Variants in SAMD4A observed in about 807,000 individuals in gnomAD.
The protein encoded by SAMD4A is protein Smaug homolog 1.
SAMD4A carries 33 observed loss-of-function variants against 81.3 expected under a neutral mutation model. That is an observed-to-expected ratio of 0.41 (90% CI 0.31 to 0.54). The LOEUF (loss-of-function observed/expected upper bound fraction) is 0.54. Among genes scored for constraint, SAMD4A ranks in the 20% least tolerant of loss-of-function variants. SAMD4A has a pLI of 0.37. For synonymous variants in SAMD4A, 389 were observed against 382.1 expected (o/e 1.02, Z -0.21); for missense variants, 854 against 951.1 (o/e 0.90, Z 1.34).
chr14:54,690,460 G>C (rs966382887), intron 2 of SAMD4A, among the ~76,000 whole-genome samples: 1 of 151,882 alleles, frequency 6.6e-6, no homozygotes, highest in East Asian at 1.9e-4. Context: ...AATGTGTTGA[G>C]TCCTGGCTGG....
At chr14:54,679,646 T>C (rs1055940633) in intron 2 of SAMD4A, among the ~76,000 whole-genome samples, 1 of 152,206 alleles carries the variant, frequency 6.6e-6, no homozygotes, top group Non-Finnish European at 1.5e-5. Flanking sequence ...GTTTTCCATG[T>C]CATCCTTTGG....
At chr14:54,706,667 G>C (rs2036867507) in intron 3 of SAMD4A, among the ~76,000 whole-genome samples, 2 of 151,990 alleles carry the variant, frequency 1.3e-5, no homozygotes, top group African/African-American at 4.8e-5. Context: ...TTTTGCAGGG[G>C]AAATGGAAAG....
chr14:54,685,860 G>T (rs2036255228), intron 2 of SAMD4A: 1 of 456,700 alleles, frequency 2.2e-6, no homozygotes, highest in Non-Finnish European at 4.4e-6. Context: ...AGTGGTGTCA[G>T]ATCAGCTTCA....
At chr14:54,590,406 G>A (rs914295077) in intron 2 of SAMD4A, among the ~76,000 whole-genome samples, 6 of 152,160 alleles carry the variant, frequency 3.9e-5, no homozygotes, top group Non-Finnish European at 8.8e-5. Context: ...TGGGAGGATC[G>A]CCTGAGCCCA....
intron 3 of SAMD4A, among the ~76,000 whole-genome samples, chr14:54,714,768 T>C (rs2037078306): frequency 6.6e-6 from 1 of 152,254 alleles, no homozygotes; most frequent in Non-Finnish European, 1.5e-5. Flanking sequence ...AGGGTGCTTC[T>C]TCCACAAGCC....
intron 2 of SAMD4A, among the ~76,000 whole-genome samples, chr14:54,664,276 T>C (rs1388654731): frequency 1.3e-5 from 2 of 152,190 alleles, no homozygotes; most frequent in South Asian, 2.1e-4. Context: ...AGTGGACCCA[T>C]CTTCAAAGAT....
rs5741994 is a variant in SAMD4A at position 54,739,055 on chromosome 14, C to CTTTTCTTTTTT, written c.979+1772_979+1773insCTTTTTTTTTT. Among the ~76,000 whole-genome samples the CTTTTCTTTTTT allele has an allele frequency of 8.9e-3, 863 of 97,346 alleles. 11 individuals are homozygous for CTTTTCTTTTTT. The highest frequency in any genetic ancestry group is 0.041 in the Middle Eastern group (6 of 146). The allele number at this position is 97,346 out of a possible 152,430, so 63.9% of individuals were successfully genotyped here. A position where few individuals can be genotyped will look rare whatever the true frequency, so the allele number is the denominator to read the frequency against. ...TACTTTGTTTTCTTTCTTTCCTTTT[C>CTTTTCTTTTTT]TTTTTTTTTTTTTTTTTTTGAGGCC... On this transcript the variant is annotated intron_variant, in intron 4 of 12. Coordinates refer to ENST00000554335, the MANE Select transcript of SAMD4A (RefSeq NM_015589.6).
intron 2 of SAMD4A, among the ~76,000 whole-genome samples, chr14:54,593,704 C>A (rs2033841849): frequency 6.6e-6 from 1 of 152,090 alleles, no homozygotes; most frequent in Non-Finnish European, 1.5e-5. Context: ...CACTTGAAAC[C>A]AATATGTATG....
In SAMD4A at chr14:54,779,087, ATCCTGGATTCAGAGCCGCTTCTGCTCT is replaced by A. The variant is rs1221152504; in HGVS notation, c.2044+2564_2044+2590del. On this transcript the variant is annotated intron_variant, in intron 11 of 12. Coordinates refer to ENST00000554335, the MANE Select transcript of SAMD4A (RefSeq NM_015589.6). Reference sequence around the variant, plus strand: ...CTAGAGTCATAGAGTCAGGGTCCTCATCCTGGATTCAGAGCCGCTTCTGCTCTTCCTGGATTCAGAGCCTCTTCTGCA... The same window carrying A: ...CTAGAGTCATAGAGTCAGGGTCCTCATCCTGGATTCAGAGCCTCTTCTGCA... Among the ~76,000 whole-genome samples the A allele has an allele frequency of 1.3e-3, 199 of 152,328 alleles. 1 individual carries two copies. Among genetic ancestry groups the A allele is most frequent in the African/African-American group, 4.4e-3 (181 of 41,570 alleles).
intron 2 of SAMD4A, among the ~76,000 whole-genome samples, chr14:54,576,909 C>T (rs1363665167): frequency 6.6e-6 from 1 of 152,136 alleles, no homozygotes; most frequent in Non-Finnish European, 1.5e-5. Flanking sequence ...TCACTAGTGT[C>T]GATGGAATGT....
chr14:54,757,774 A>T (rs1247474568), intron 6 of SAMD4A, among the ~76,000 whole-genome samples: 1 of 152,206 alleles, frequency 6.6e-6, no homozygotes, highest in East Asian at 1.9e-4. Flanking sequence ...CTGGACAAGG[A>T]GGTCAGTGTC....
At chr14:54,620,263 C>T (rs540909250) in intron 2 of SAMD4A, among the ~76,000 whole-genome samples, 3 of 152,190 alleles carry the variant, frequency 2.0e-5, no homozygotes, top group Non-Finnish European at 2.9e-5. Context: ...TGTCAGTAAC[C>T]CCCTCATAGG....
intron 3 of SAMD4A, among the ~76,000 whole-genome samples, chr14:54,726,173 C>T (rs2037411242): frequency 6.6e-6 from 1 of 152,128 alleles, no homozygotes; most frequent in Non-Finnish European, 1.5e-5. Context: ...GAGCTTTCTG[C>T]AGCTGATTCA....
intron 3 of SAMD4A, among the ~76,000 whole-genome samples, chr14:54,719,683 G>A (rs1413890073): frequency 6.6e-6 from 1 of 152,146 alleles, no homozygotes; most frequent in Admixed American, 6.5e-5. Flanking sequence ...AGACTGACCT[G>A]GGTTTGAGTC....
At chr14:54,625,150 A>T (rs1203626556) in intron 2 of SAMD4A, among the ~76,000 whole-genome samples, 1 of 152,114 alleles carries the variant, frequency 6.6e-6, no homozygotes, top group Non-Finnish European at 1.5e-5. Flanking sequence ...CACAGCCCAT[A>T]AAAGGTTTTC....
In SAMD4A at chr14:54,774,999, G is replaced by T; in HGVS notation, c.1781G>T (p.Arg594Leu). The change falls in exon 10 of 13, where the codon CGG becomes CTG. Residue 594 changes from arginine (R) to leucine (L), a missense_variant. Transcript: ENST00000554335. ...TCTGTGGGCGGTGGCATGGGCAGACGGAACCCGCGCCAGTACCAGATCCCC... is the reference window on the plus strand; with the variant it reads ...TCTGTGGGCGGTGGCATGGGCAGACTGAACCCGCGCCAGTACCAGATCCCC... ...AGSVGGGMGR[R>L]NPRQYQIPSR... 2 of 1,614,112 alleles carry T rather than the reference G, an allele frequency of 1.2e-6. No individual in the cohort carries two copies. Among genetic ancestry groups the T allele is most frequent in the Non-Finnish European group, 1.7e-6 (2 of 1,180,014 alleles).
At chr14:54,781,305 G>C (rs975049127) in intron 11 of SAMD4A, among the ~76,000 whole-genome samples, 2 of 152,246 alleles carry the variant, frequency 1.3e-5, no homozygotes, top group African/African-American at 2.4e-5. Context: ...AGCAGGGATG[G>C]ACGGTTACTG....
chr14:54,758,727 G>A (rs997328521), intron 6 of SAMD4A, among the ~76,000 whole-genome samples: 2 of 152,230 alleles, frequency 1.3e-5, no homozygotes, highest in Non-Finnish European at 2.9e-5. Context: ...CTATTCGGGA[G>A]GCTGAGGCAG....
At chr14:54,632,939 T>C (rs2034939961) in intron 2 of SAMD4A, among the ~76,000 whole-genome samples, 1 of 152,260 alleles carries the variant, frequency 6.6e-6, no homozygotes, top group South Asian at 2.1e-4. Context: ...GAAGTTTTTG[T>C]CAACATTTTG....
Sources: allele counts gnomAD v4.1 joint callset (sites outside exome capture counted in the v4.1 genomes callset), GRCh38; gene constraint gnomAD v4.1.1; transcripts MANE v1.5; gene names NCBI Gene and HGNC (gene_info 2026-07-23, HGNC 2026-07-21).